The following SMARCC2 variants were observed in gnomAD, a reference collection of about 807,000 sequenced individuals.
SMARCC2 encodes SWI/SNF related BAF chromatin remodeling complex subunit C2, also known as SWI/SNF complex subunit SMARCC2.
In SMARCC2, 15 loss-of-function variants were observed where a neutral mutation model predicts 151.3. The ratio of observed to expected loss-of-function variants is 0.10; its 90% CI spans 0.07 to 0.15. SMARCC2 has a LOEUF of 0.15. Ranked by LOEUF, SMARCC2 falls within the 10% of genes least tolerant of loss-of-function variation. The pLI, the probability that SMARCC2 is intolerant of heterozygous loss-of-function variation, is 1.00. For missense variants in SMARCC2, 1,031 were observed against 1,599.7 expected (o/e 0.64, Z 6.06); for synonymous variants, 590 against 609.5 (o/e 0.97, Z 0.47).
chr12:56,172,699 G>A lies in SMARCC2; in HGVS notation c.1749C>T (p.Thr583=). 6.2e-7 allele frequency: 1 copy of A among 1,614,156 alleles called. No individual in the cohort carries two copies. Among genetic ancestry groups the A allele is most frequent in the Non-Finnish European group, 8.5e-7 (1 of 1,180,036 alleles). ...AGTTGAGCATTTGTTGGGAAGCAGA[G>A]GTCTGCTATTTGTGGAGGGAAAGAA... ...ETAKGKPELQ[T]SASQQMLNFP... Residue 583 remains threonine (T), a synonymous_variant, in exon 19 of 29, where the codon ACC becomes ACT. Transcript: ENST00000550164.
At chr12:56,172,059 C>T (rs1286977093) in intron 20 of SMARCC2, 122 bp from the exon 21 acceptor site, 1 of 838,380 alleles carries the variant, frequency 1.2e-6, no homozygotes, top group African/African-American at 1.7e-5. Flanking sequence ...TTTGTGTACT[C>T]TGCTAGGTCC....
At position 56,173,723 on chromosome 12, in the gene SMARCC2, C is replaced by T; in HGVS notation, c.1623G>A (p.Leu541=). The part of the protein sequence containing the change: ...FHVLADTPSG[L]VPLQPKTPQG... Reference sequence around the variant, plus strand: ...GAGGTGTCTTGGGCTGCAGAGGCACCAGCCCTGATGGTGTGTCAGCCAAGA... The same window carrying T: ...GAGGTGTCTTGGGCTGCAGAGGCACTAGCCCTGATGGTGTGTCAGCCAAGA... Residue 541 remains leucine, a synonymous_variant, in exon 17 of 29, where the codon CTG becomes CTA. Transcript: ENST00000550164. 1 of 1,613,982 alleles carries T rather than the reference C, an allele frequency of 6.2e-7. No homozygotes were observed.
At chr12:56,173,208 C>T (rs768359242) in intron 17 of SMARCC2, among the ~76,000 whole-genome samples, 179 bp from the exon 18 acceptor site, 1 of 152,210 alleles carries the variant, frequency 6.6e-6, no homozygotes, top group Admixed American at 6.5e-5. Context: ...TACATATTCA[C>T]ATTATCTTTA....
At chr12:56,175,810 G>A (rs923888407) in intron 15 of SMARCC2, among the ~76,000 whole-genome samples, 16 of 152,150 alleles carry the variant, frequency 1.1e-4, no homozygotes, top group African/African-American at 3.6e-4. Flanking sequence ...TTAGTATAGT[G>A]CCTGGGAGAT....
Position 56,162,602 on chromosome 12 carries a change from A to T in SMARCC2, c.*1087T>A, listed in dbSNP as rs745785785. Reference sequence around the variant, plus strand: ...CACGTGGAGCAGGAATGCGGGAAGCAGAGTTGAGCTGCGAGCCAAGGGTTG... The same window carrying T: ...CACGTGGAGCAGGAATGCGGGAAGCTGAGTTGAGCTGCGAGCCAAGGGTTG... On this transcript the variant is annotated 3_prime_UTR_variant, in exon 29 of 29. Coordinates refer to ENST00000550164, the MANE Select transcript of SMARCC2 (RefSeq NM_001330288.2). The T allele has an allele frequency of 2.3e-5, 9 of 395,830 alleles. No individual in the cohort carries two copies. The highest frequency in any genetic ancestry group is 3.6e-5 in the Non-Finnish European group (8 of 221,066). 24.5% of individuals were successfully genotyped at this position (395,830 alleles called of 1,614,324 possible). A position where few individuals can be genotyped will look rare whatever the true frequency, so the allele number is the denominator to read the frequency against.
chr12:56,176,829 T>TG (rs1403869675), intron 15 of SMARCC2, among the ~76,000 whole-genome samples: 2 of 151,124 alleles, frequency 1.3e-5, no homozygotes, highest in Admixed American at 6.6e-5. Flanking sequence ...TTTGTTTTTT[T>TG]GTTTTTTTTG....
intron 6 of SMARCC2, 79 bp from the exon 7 acceptor site, chr12:56,184,009 A>C: frequency 1.7e-6 from 2 of 1,144,090 alleles, no homozygotes; most frequent in Non-Finnish European, 2.6e-6. Flanking sequence ...GCCCTAACTA[A>C]TGCACTCTCC....
At chr12:56,186,028 G>T in intron 3 of SMARCC2, 127 bp downstream of exon 3, 1 of 721,652 alleles carries the variant, frequency 1.4e-6, no homozygotes, top group Non-Finnish European at 2.4e-6. Flanking sequence ...GACGTAGTAA[G>T]TCAGGTCTAC....
chr12:56,172,573 C>A lies in SMARCC2; in HGVS notation c.1863+12G>T. 1 of 1,614,152 alleles carries A rather than the reference C, an allele frequency of 6.2e-7. No individual in the cohort carries two copies. The highest frequency in any genetic ancestry group is 1.3e-5 in the African/African-American group (1 of 75,040). On this transcript the variant is annotated intron_variant, in intron 19 of 28. Transcript: ENST00000550164. The stretch of plus-strand genomic sequence containing the variant: ...ACATTCTCTACCCCTAGAGTCGGCC[C>A]GCACCTCCTACCTTGGAGGGAACAT...
At chr12:56,182,948 C>T (rs1446590704) in intron 7 of SMARCC2, among the ~76,000 whole-genome samples, 1 of 150,820 alleles carries the variant, frequency 6.6e-6, no homozygotes, top group Admixed American at 6.6e-5. Flanking sequence ...ATCCTCCCAC[C>T]TCAGCCCCCC....
In SMARCC2 at chr12:56,171,159, G is replaced by T. The variant is rs374182224; in HGVS notation, c.2347+112C>A. On this transcript the variant is annotated intron_variant, in intron 22 of 28. Coordinates refer to ENST00000550164, the MANE Select transcript of SMARCC2 (RefSeq NM_001330288.2). The surrounding 1 kb of genome is among the most constrained non-coding windows in gnomAD (Gnocchi z 4.2). ...TGGGGAAAATAAAAACCCTACCAAT[G>T]TTCTCATTCATGTTGTGCTCTAATG... 1 of 1,008,128 alleles carries T rather than the reference G, an allele frequency of 9.9e-7. No individual in the cohort carries two copies. Among genetic ancestry groups the T allele is most frequent in the Non-Finnish European group, 1.5e-6 (1 of 667,228 alleles). The allele number at this position is 1,008,128 out of a possible 1,614,324, so 62.4% of individuals were successfully genotyped here.
At chr12:56,178,674 G>T in intron 13 of SMARCC2, 136 bp downstream of exon 13, 2 of 1,373,574 alleles carry the variant, frequency 1.5e-6, no homozygotes, top group South Asian at 1.2e-5. Context: ...ACTCTGAAAG[G>T]GTCAGAGTTT....
rs1874059200 is a variant in SMARCC2 at position 56,172,095 on chromosome 12, G to C, written c.1927-158C>G. The C allele has an allele frequency of 1.4e-5, 9 of 643,516 alleles. No individual in the cohort carries two copies. The South Asian group carries it at 1.9e-4, about 14-fold the overall frequency. The allele number at this position is 643,516 out of a possible 1,614,324, so 39.9% of individuals were successfully genotyped here. On this transcript the variant is annotated intron_variant, in intron 20 of 28. Transcript: ENST00000550164. ...AAGGGGGATCTTGAAGTAGCACTAA[G>C]AAAGGATATGAAGTTAATGAAATGG...
At position 56,173,876 on chromosome 12, in the gene SMARCC2, T is replaced by C. The variant is rs769609328; in HGVS notation, c.1497-27A>G. The C allele has an allele frequency of 2.5e-6, 4 of 1,596,454 alleles. No individual in the cohort carries two copies. The South Asian group carries it at 3.4e-5, about 13-fold the overall frequency. ...TGTGCAGAGAGAGGCAGAGACAGGGTCACACGGATAGCCAGAAAGGTGCAC... is the reference window on the plus strand; with the variant it reads ...TGTGCAGAGAGAGGCAGAGACAGGGCCACACGGATAGCCAGAAAGGTGCAC... On this transcript the variant is annotated intron_variant, in intron 16 of 28. Coordinates refer to ENST00000550164, the MANE Select transcript of SMARCC2 (RefSeq NM_001330288.2).
chr12:56,185,146 G>A (rs1876982132), intron 3 of SMARCC2, 35 bp from the exon 4 acceptor site: 1 of 1,557,356 alleles, frequency 6.4e-7, no homozygotes, highest in Admixed American at 1.7e-5. Flanking sequence ...GAGTGGTATA[G>A]CTCAGGTCTG....
At position 56,169,930 on chromosome 12, in the gene SMARCC2, A is replaced by T; in HGVS notation, c.2413-19T>A. ...GGGGTTCCTGAAATTCCAGTGATAG[A>T]AAAGGAGAGTTATCAGGGATTAGGG... On this transcript the variant is annotated intron_variant, in intron 23 of 28. Coordinates refer to ENST00000550164, the MANE Select transcript of SMARCC2 (RefSeq NM_001330288.2). 6.2e-7 allele frequency: 1 copy of T among 1,611,706 alleles called. No homozygotes were observed.
In SMARCC2 at chr12:56,169,897, T is replaced by C; in HGVS notation, c.2427A>G (p.Gly809=). The C allele has an allele frequency of 1.2e-6, 2 of 1,613,768 alleles. No homozygotes were observed. The highest frequency in any genetic ancestry group is 1.7e-6 in the Non-Finnish European group (2 of 1,179,894). The change falls in exon 24 of 29, where the codon GGA becomes GGG. Residue 809 remains glycine, a synonymous_variant. Coordinates refer to ENST00000550164, the MANE Select transcript of SMARCC2 (RefSeq NM_001330288.2). ...EKKEPKEPRE[G]GGAIEEEAKE... Reference sequence around the variant, plus strand: ...TTGCTTCCTCCTCTATAGCACCCCCTCCTTCTCGGGGTTCCTGAAATTCCA... The same window carrying C: ...TTGCTTCCTCCTCTATAGCACCCCCCCCTTCTCGGGGTTCCTGAAATTCCA...
In SMARCC2 at chr12:56,171,815, T is replaced by C. The variant is rs771511085; in HGVS notation, c.2049A>G (p.Ser683=). Residue 683 remains serine, a synonymous_variant, in exon 21 of 29, where the codon TCA becomes TCG. Transcript: ENST00000550164. This position sits in a 1 kb window ranked among gnomAD's most constrained non-coding sequence, Gnocchi z 4.2. ...LPIEDPYLED[S]EASLGPLAYQ... Reference sequence around the variant, plus strand: ...AGGCCAGGGGGCCTAGGGAGGCCTCTGAGTCCTCCAGGTATGGGTCTTCAA... The same window carrying C: ...AGGCCAGGGGGCCTAGGGAGGCCTCCGAGTCCTCCAGGTATGGGTCTTCAA... The C allele has an allele frequency of 9.3e-5, 150 of 1,613,916 alleles. No individual in the cohort carries two copies. Among genetic ancestry groups the C allele is most frequent in the Non-Finnish European group, 1.2e-4 (144 of 1,179,888 alleles).
Position 56,189,363 on chromosome 12 carries a change from C to T in SMARCC2, c.99G>A (p.Lys33=), listed in dbSNP as rs780505514. 6.5e-6 allele frequency: 10 copies of T among 1,528,810 alleles called. No homozygotes were observed. The highest frequency in any genetic ancestry group is 5.7e-5 in the African/African-American group (4 of 69,954). The allele number at this position is 1,528,810 out of a possible 1,614,324, so 94.7% of individuals were successfully genotyped here. ...QFDNVRLWLG[K]NYKKYIQAEP... Reference sequence around the variant, plus strand: ...CCGGCCCGCGTACCTTCTTGTAGTTCTTGCCGAGCCACAGCCGCACGTTGT... The same window carrying T: ...CCGGCCCGCGTACCTTCTTGTAGTTTTTGCCGAGCCACAGCCGCACGTTGT... The change falls in exon 1 of 29, where the codon AAG becomes AAA. Residue 33 remains lysine, a synonymous_variant. Coordinates refer to ENST00000550164, the MANE Select transcript of SMARCC2 (RefSeq NM_001330288.2).
Sources: gnomAD v4.1 joint callset for allele counts (sites outside exome capture counted in the v4.1 genomes callset) on GRCh38, gnomAD v4.1.1 for gene constraint, Gnocchi (gnomAD v3.1) non-coding constraint, MANE v1.5 for transcripts, NCBI Gene and HGNC (gene_info 2026-07-23, HGNC 2026-07-21) for gene names.